STX17: variants seen among roughly 807,000 people sequenced by gnomAD.
STX17 encodes syntaxin 17, also known as syntaxin-17.
In STX17, 29 loss-of-function variants were observed where a neutral mutation model predicts 35.9. That is an observed-to-expected ratio of 0.81 (90% CI 0.60 to 1.10). The LOEUF (loss-of-function observed/expected upper bound fraction) is 1.10, where lower values mean the gene tolerates loss of function less well. STX17 is among the 50% of genes least tolerant of loss of function. STX17 has a pLI of 0.00. For missense variants in STX17, 312 were observed against 352.3 expected (o/e 0.89, Z 0.92); for synonymous variants, 92 against 118.3 (o/e 0.78, Z 1.44).
At chr9:99,952,148 C>T (rs191119617) in intron 4 of STX17, among the ~76,000 whole-genome samples, 9 of 151,906 alleles carry the variant, frequency 5.9e-5, no homozygotes, top group South Asian at 2.1e-4. Context: ...TTAATCCTTA[C>T]GGAAAAGGTG....
At chr9:99,967,310 C>A in intron 6 of STX17, 1 of 164,806 alleles carries the variant, frequency 6.1e-6, no homozygotes, top group Non-Finnish European at 1.3e-5. Context: ...TTTTTTCCAT[C>A]AAACCCAACA....
intron 3 of STX17, chr9:99,945,649 A>C: frequency 3.6e-6 from 1 of 275,818 alleles, no homozygotes; most frequent in Non-Finnish European, 7.3e-6. Context: ...CATATTTTTT[A>C]AATCTCCATA....
At chr9:99,966,470 T>C (rs1170719254) in intron 6 of STX17, among the ~76,000 whole-genome samples, 2 of 152,218 alleles carry the variant, frequency 1.3e-5, no homozygotes, top group African/African-American at 4.8e-5. Context: ...AAAAGTGTTG[T>C]ATGTGTCTGC....
chr9:99,930,229 C>T (rs914158344), intron 3 of STX17, among the ~76,000 whole-genome samples: 5 of 150,626 alleles, frequency 3.3e-5, no homozygotes, highest in Non-Finnish European at 5.9e-5. Flanking sequence ...TTCTTATATG[C>T]TCAAATATGT....
intron 7 of STX17, among the ~76,000 whole-genome samples, chr9:99,968,181 T>C (rs1829954359): frequency 6.6e-6 from 1 of 152,202 alleles, no homozygotes; most frequent in African/African-American, 2.4e-5. Context: ...AGTTAGTGAA[T>C]TGATTGTTTT....
At chr9:99,952,013 T>C (rs1829610341) in intron 4 of STX17, among the ~76,000 whole-genome samples, 1 of 152,024 alleles carries the variant, frequency 6.6e-6, no homozygotes, top group African/African-American at 2.4e-5. Flanking sequence ...AAAGTCAGAT[T>C]TTTAAACCTA....
At chr9:99,924,750 C>A (rs548578600) in intron 2 of STX17, among the ~76,000 whole-genome samples, 67 of 151,990 alleles carry the variant, frequency 4.4e-4, no homozygotes, top group Middle Eastern at 3.4e-3. Flanking sequence ...CACCCTCTCT[C>A]CCTTCTTTCA....
chr9:99,962,242 C>CT (rs1186564485), intron 6 of STX17, among the ~76,000 whole-genome samples: 1 of 152,094 alleles, frequency 6.6e-6, no homozygotes, highest in Non-Finnish European at 1.5e-5. Context: ...CTGGATGCCT[C>CT]TAAGTTAGAA....
At chr9:99,925,459 T>C (rs949179240) in intron 2 of STX17, among the ~76,000 whole-genome samples, 4 of 152,192 alleles carry the variant, frequency 2.6e-5, no homozygotes, top group African/African-American at 9.6e-5. Flanking sequence ...TTCGTTCATT[T>C]GTGTAGAATC....
At chr9:99,945,260 G>A (rs1183045259) in intron 3 of STX17, among the ~76,000 whole-genome samples, 1 of 151,890 alleles carries the variant, frequency 6.6e-6, no homozygotes, top group South Asian at 2.1e-4. Context: ...GTTCTTGTCC[G>A]GTTTTGCATT....
At chr9:99,923,954 ATC>A (rs1828939497) in intron 2 of STX17, among the ~76,000 whole-genome samples, 2 of 152,160 alleles carry the variant, frequency 1.3e-5, no homozygotes, top group African/African-American at 4.8e-5. Flanking sequence ...CCATGTGATC[ATC>A]TCTCTGGAAG....
intron 6 of STX17, among the ~76,000 whole-genome samples, chr9:99,964,070 TTA>T (rs1491027963): frequency 1.3e-5 from 1 of 77,410 alleles, no homozygotes; most frequent in African/African-American, 5.3e-5. Context: ...ACCTTAAACT[TTA>T]CAACTACTAT....
chr9:99,912,855 G>C (rs769736176), intron 1 of STX17, among the ~76,000 whole-genome samples: 6 of 151,886 alleles, frequency 4.0e-5, no homozygotes, highest in Admixed American at 2.0e-4. Flanking sequence ...TCTATTCATT[G>C]CTCCTTGCTA....
chr9:99,938,870 A>ACC (rs1274450819), intron 3 of STX17, among the ~76,000 whole-genome samples: 11 of 150,538 alleles, frequency 7.3e-5, no homozygotes, highest in Admixed American at 6.0e-4. Context: ...TCGGCCTGAG[A>ACC]TTTTTCTTCA....
chr9:99,934,137 T>C (rs1829180346), intron 3 of STX17, among the ~76,000 whole-genome samples: 1 of 152,160 alleles, frequency 6.6e-6, no homozygotes, highest in African/African-American at 2.4e-5. Context: ...ATTATCCTCA[T>C]TTTTCAGATA....
At chr9:99,967,884 A>G (rs1203702529) in intron 7 of STX17, 145 bp downstream of exon 7, 1 of 681,652 alleles carries the variant, frequency 1.5e-6, no homozygotes, top group Non-Finnish European at 2.6e-6. Context: ...GTAGTGTAAG[A>G]AATCAATGTT....
intron 2 of STX17, 105 bp downstream of exon 2, chr9:99,915,467 A>C (rs1393750545): frequency 7.4e-7 from 1 of 1,353,390 alleles, no homozygotes; most frequent in Non-Finnish European, 9.9e-7. Flanking sequence ...GCATTGCTGA[A>C]ACACCTAGCT....
chr9:99,929,726 T>C (rs1434768761), intron 3 of STX17: 1 of 151,660 alleles, frequency 6.6e-6, no homozygotes, highest in East Asian at 1.9e-4. Context: ...CTCATTATAT[T>C]GATTATGGAG....
At chr9:99,925,943 G>A (rs1476860932) in intron 2 of STX17, among the ~76,000 whole-genome samples, 1 of 151,822 alleles carries the variant, frequency 6.6e-6, no homozygotes, top group East Asian at 1.9e-4. Context: ...CTCTCATGGA[G>A]TCCAGTTACA....
Sources: allele counts gnomAD v4.1 joint callset (sites outside exome capture counted in the v4.1 genomes callset), GRCh38; gene constraint gnomAD v4.1.1; transcripts MANE v1.5; gene names NCBI Gene and HGNC (gene_info 2026-07-23, HGNC 2026-07-21).